The following COX10 variants were observed in gnomAD, a reference collection of about 807,000 sequenced individuals.
COX10 encodes protoheme IX farnesyltransferase, mitochondrial.
In COX10, 27 loss-of-function variants were observed where a neutral mutation model predicts 37.3. The ratio of observed to expected loss-of-function variants is 0.72; its 90% confidence interval spans 0.53 to 1.00. The LOEUF (loss-of-function observed/expected upper bound fraction) is 1.00, where lower values mean the gene tolerates loss of function less well. COX10 is among the 50% of genes least tolerant of loss of function. COX10 has a pLI of 0.00. For missense variants in COX10, 475 were observed against 563.2 expected, an observed-to-expected ratio of 0.84 and a Z score of 1.59; for synonymous variants, 222 against 229.1, an observed-to-expected ratio of 0.97 and a Z score of 0.28.
At chr17:14,075,095 G>A (rs1288094615) in intron 2 of COX10, among the ~76,000 whole-genome samples, 1 of 152,138 alleles carries the variant, frequency 6.6e-6, no homozygotes, top group Non-Finnish European at 1.5e-5. Context: ...GTGCCAGCCT[G>A]AAAGAACGGC....
At chr17:14,203,362 A>C (rs1035395360) in intron 6 of COX10, among the ~76,000 whole-genome samples, 1 of 152,158 alleles carries the variant, frequency 6.6e-6, no homozygotes, top group Non-Finnish European at 1.5e-5. Flanking sequence ...TGGAAGACTG[A>C]AAAGGGGTTG....
chr17:14,186,985 G>GT (rs36094568), intron 5 of COX10, among the ~76,000 whole-genome samples: 203 of 148,778 alleles, frequency 1.4e-3, no homozygotes, highest in Non-Finnish European at 2.0e-3. Flanking sequence ...TTATTTTAAG[G>GT]TTTTTTTTTT....
intron 3 of COX10, among the ~76,000 whole-genome samples, chr17:14,078,316 C>T (rs930543027): frequency 6.6e-6 from 1 of 152,166 alleles, no homozygotes; most frequent in Non-Finnish European, 1.5e-5. Flanking sequence ...TGAGGCCTCT[C>T]AGCCCGTAGG....
chr17:14,164,412 G>T (rs1440428108), intron 5 of COX10, among the ~76,000 whole-genome samples: 5 of 152,056 alleles, frequency 3.3e-5, no homozygotes, highest in Non-Finnish European at 7.4e-5. Flanking sequence ...TCTTATTATT[G>T]TCTATTTTAT....
intron 4 of COX10, among the ~76,000 whole-genome samples, chr17:14,147,195 T>C (rs1904746208): frequency 6.6e-6 from 1 of 152,166 alleles, no homozygotes; most frequent in South Asian, 2.1e-4. Context: ...ATATCTACAC[T>C]CCCATGTTTG....
chr17:14,144,344 G>A (rs967641651), intron 4 of COX10, among the ~76,000 whole-genome samples: 3 of 152,026 alleles, frequency 2.0e-5, no homozygotes, highest in African/African-American at 7.2e-5. Flanking sequence ...TCATACTGTT[G>A]TCACATTATT....
intron 4 of COX10, among the ~76,000 whole-genome samples, chr17:14,159,299 G>C (rs1905122046): frequency 6.6e-6 from 1 of 152,190 alleles, no homozygotes; most frequent in Non-Finnish European, 1.5e-5. Flanking sequence ...CCCAGGGTCA[G>C]TTGATTCTTG....
At chr17:14,077,448 G>C (rs1221260185) in intron 3 of COX10, 5 of 238,912 alleles carry the variant, frequency 2.1e-5, no homozygotes, top group Non-Finnish European at 4.1e-5. Context: ...AGTGGCCACT[G>C]AGTCTCCCAG....
intron 4 of COX10, among the ~76,000 whole-genome samples, chr17:14,135,563 C>T (rs939923603): frequency 6.6e-6 from 1 of 151,754 alleles, no homozygotes; most frequent in African/African-American, 2.4e-5. Flanking sequence ...TGCAGATGAA[C>T]CCTGAACTGC....
chr17:14,176,808 T>G (rs1421459941), intron 5 of COX10, among the ~76,000 whole-genome samples: 1 of 151,952 alleles, frequency 6.6e-6, no homozygotes, highest in Non-Finnish European at 1.5e-5. Context: ...TGCCTGTTTG[T>G]TACTGAGCTC....
intron 5 of COX10, among the ~76,000 whole-genome samples, chr17:14,164,443 A>G (rs2530377): frequency 0.58 from 88,390 of 152,126 alleles, 26,102 homozygotes; most frequent in Non-Finnish European, 0.63. Flanking sequence ...GGCTTATAAA[A>G]TGTTCTATCA....
intron 4 of COX10, among the ~76,000 whole-genome samples, chr17:14,140,552 C>G (rs1597517272): frequency 6.6e-6 from 1 of 152,012 alleles, no homozygotes; most frequent in Admixed American, 6.6e-5. Context: ...ATAAACTAAA[C>G]TCATTAAATT....
chr17:14,120,213 G>A (rs1005617028), intron 4 of COX10, among the ~76,000 whole-genome samples: 2 of 152,158 alleles, frequency 1.3e-5, no homozygotes, highest in Non-Finnish European at 2.9e-5. Flanking sequence ...TTGACTTTGA[G>A]GTGCCCTCAG....
intron 1 of COX10, among the ~76,000 whole-genome samples, chr17:14,073,568 C>T (rs1182035951): frequency 6.6e-6 from 1 of 152,056 alleles, no homozygotes; most frequent in Non-Finnish European, 1.5e-5. Context: ...TGCTCAGGGA[C>T]AATATTTAAT....
chr17:14,189,907 A>G (rs1223737410), intron 5 of COX10, among the ~76,000 whole-genome samples: 1 of 152,202 alleles, frequency 6.6e-6, no homozygotes, highest in Non-Finnish European at 1.5e-5. Flanking sequence ...CTTGGGGGAA[A>G]TATGAAGAAA....
intron 4 of COX10, among the ~76,000 whole-genome samples, chr17:14,147,801 T>C (rs1484481390): frequency 9.3e-6 from 1 of 108,104 alleles, no homozygotes; most frequent in Non-Finnish European, 2.1e-5. Flanking sequence ...AAAAAATTTT[T>C]AAGAAAACAC....
chr17:14,094,354 T>C (rs889008736), intron 3 of COX10, among the ~76,000 whole-genome samples: 19 of 151,712 alleles, frequency 1.3e-4, no homozygotes, highest in Non-Finnish European at 2.2e-4. Context: ...TCATGTATTC[T>C]TACACTGATA....
chr17:14,091,625 G>A (rs1915529909), intron 3 of COX10, among the ~76,000 whole-genome samples: 1 of 152,160 alleles, frequency 6.6e-6, no homozygotes, highest in South Asian at 2.1e-4. Context: ...TGCATCCTGA[G>A]TAGGCATTCT....
intron 4 of COX10, among the ~76,000 whole-genome samples, chr17:14,145,498 T>C (rs544754001): frequency 6.6e-6 from 1 of 152,196 alleles, no homozygotes; most frequent in African/African-American, 2.4e-5. Flanking sequence ...CCTGAAAGCA[T>C]GTTTTCCTTG....
Sources: allele counts gnomAD v4.1 joint callset (sites outside exome capture counted in the v4.1 genomes callset), GRCh38; gene constraint gnomAD v4.1.1; transcripts MANE v1.5; gene names NCBI Gene and HGNC (gene_info 2026-07-23, HGNC 2026-07-21).